The following RBFOX1 variants were observed in gnomAD, a reference collection of about 807,000 sequenced individuals.
RBFOX1 encodes the protein RNA binding fox-1 homolog 1.
A neutral mutation model predicts 57.7 loss-of-function variants in RBFOX1; 8 were observed. That is an observed-to-expected ratio of 0.14 (90% CI 0.08 to 0.25). The LOEUF is 0.25. Among genes scored for constraint, RBFOX1 ranks in the 10% least tolerant of loss-of-function variants. RBFOX1 has a pLI of 1.00. For synonymous variants in RBFOX1, 326 were observed against 222.4 expected, an observed-to-expected ratio of 1.47 and a Z score of -4.15; for missense variants, 611 against 548.5, an observed-to-expected ratio of 1.11 and a Z score of -1.14.
intron 2 of RBFOX1, among the ~76,000 whole-genome samples, chr16:6,332,326 A>T (rs916872837): frequency 1.3e-5 from 2 of 152,216 alleles, no homozygotes; most frequent in Non-Finnish European, 2.9e-5. Context: ...CATTTTAGCT[A>T]CACTGGTGGG....
intron 3 of RBFOX1, among the ~76,000 whole-genome samples, chr16:6,798,241 C>T (rs1184241218): frequency 6.6e-6 from 1 of 151,994 alleles, no homozygotes; most frequent in Admixed American, 6.6e-5. Context: ...GATACTAGTC[C>T]CAGAGAAGAG....
intron 4 of RBFOX1, among the ~76,000 whole-genome samples, chr16:5,904,445 T>C (rs1435500897): frequency 6.6e-6 from 1 of 151,674 alleles, no homozygotes; most frequent in Non-Finnish European, 1.5e-5. Flanking sequence ...GGGCAGGAAA[T>C]ATGGGGAACC....
intron 3 of RBFOX1, among the ~76,000 whole-genome samples, chr16:6,971,223 A>G (rs1026862959): frequency 6.6e-6 from 1 of 152,192 alleles, no homozygotes; most frequent in African/African-American, 2.4e-5. Flanking sequence ...GAGGTGTGCT[A>G]AAAGGCAGCT....
chr16:5,832,327 G>A (rs2056302914), intron 3 of RBFOX1, among the ~76,000 whole-genome samples: 1 of 152,198 alleles, frequency 6.6e-6, no homozygotes, highest in Admixed American at 6.5e-5. Flanking sequence ...CTAGGGAAGG[G>A]TGAATCCACA....
At chr16:7,086,826 C>G (rs201296623) in intron 4 of RBFOX1, among the ~76,000 whole-genome samples, 2 of 152,298 alleles carry the variant, frequency 1.3e-5, no homozygotes, top group East Asian at 3.9e-4. Flanking sequence ...AGCAAGTCTT[C>G]TTGAAGCTTT....
chr16:5,728,591 C>A (rs975488734), intron 3 of RBFOX1, among the ~76,000 whole-genome samples: 4 of 152,132 alleles, frequency 2.6e-5, no homozygotes, highest in Admixed American at 2.6e-4. Flanking sequence ...TCTCTGATGC[C>A]ATTTATCTTC....
chr16:6,131,981 T>C (rs547540542), intron 1 of RBFOX1, among the ~76,000 whole-genome samples: 2 of 152,366 alleles, frequency 1.3e-5, no homozygotes, highest in East Asian at 3.9e-4. Flanking sequence ...GCCTTCGTGA[T>C]GATTTGAGCT....
intron 11 of RBFOX1, among the ~76,000 whole-genome samples, chr16:7,641,698 A>G (rs1311044600): frequency 6.6e-6 from 1 of 152,162 alleles, no homozygotes; most frequent in Non-Finnish European, 1.5e-5. Context: ...GTGGTTTTAC[A>G]GCATTTTTCT....
chr16:7,469,173 A>G (rs1287701753), intron 4 of RBFOX1, among the ~76,000 whole-genome samples: 1 of 151,982 alleles, frequency 6.6e-6, no homozygotes, highest in Non-Finnish European at 1.5e-5. Context: ...TGACCTCATG[A>G]TCTACCCGAC....
chr16:6,020,084 A>G (rs2095037461), intron 1 of RBFOX1, 92 bp downstream of exon 1: 1 of 1,304,154 alleles, frequency 7.7e-7, no homozygotes, highest in African/African-American at 1.5e-5. Context: ...TAGGTCCCCG[A>G]GAACTGGCCT....
At chr16:7,312,491 A>T (rs1334384977) in intron 4 of RBFOX1, among the ~76,000 whole-genome samples, 1 of 152,174 alleles carries the variant, frequency 6.6e-6, no homozygotes, top group Non-Finnish European at 1.5e-5. Flanking sequence ...TCTCAAATTA[A>T]CATGATTAAT....
chr16:6,848,536 G>C (rs1197475368), intron 3 of RBFOX1, among the ~76,000 whole-genome samples: 1 of 151,672 alleles, frequency 6.6e-6, no homozygotes, highest in East Asian at 1.9e-4. Context: ...TAGCTAGATG[G>C]ATATATAGAA....
At chr16:6,759,520 T>A (rs1480582160) in intron 3 of RBFOX1, among the ~76,000 whole-genome samples, 3 of 145,998 alleles carry the variant, frequency 2.1e-5, no homozygotes, top group African/African-American at 7.5e-5. Context: ...TGTGTGTGTG[T>A]GTATTTTCAG....
At chr16:6,696,906 G>A (rs1229599789) in intron 3 of RBFOX1, among the ~76,000 whole-genome samples, 1 of 152,162 alleles carries the variant, frequency 6.6e-6, no homozygotes, top group African/African-American at 2.4e-5. Flanking sequence ...GGAGATTGCT[G>A]TCTTGCAAAA....
chr16:7,169,023 A>T (rs2152441015), intron 4 of RBFOX1, among the ~76,000 whole-genome samples: 1 of 152,292 alleles, frequency 6.6e-6, no homozygotes, highest in South Asian at 2.1e-4. Flanking sequence ...ATATAACTAG[A>T]TTTATAGACA....
At chr16:7,149,270 CTGTT>C (rs919444838) in intron 4 of RBFOX1, among the ~76,000 whole-genome samples, 7 of 151,978 alleles carry the variant, frequency 4.6e-5, no homozygotes, top group African/African-American at 1.2e-4. Context: ...TGCAATATGA[CTGTT>C]TGCTTGTTAA....
intron 2 of RBFOX1, among the ~76,000 whole-genome samples, chr16:6,510,266 C>T (rs2096225673): frequency 6.6e-6 from 1 of 152,142 alleles, no homozygotes; most frequent in South Asian, 2.1e-4. Context: ...TTGGATTCTG[C>T]AAGCATCTCT....
At chr16:6,979,208 C>T (rs1026283202) in intron 3 of RBFOX1, among the ~76,000 whole-genome samples, 2 of 152,126 alleles carry the variant, frequency 1.3e-5, no homozygotes, top group African/African-American at 4.8e-5. Context: ...ATCCCCAAGT[C>T]TCAGTTTTCC....
At chr16:7,540,181 G>A (rs3826224) in intron 5 of RBFOX1, among the ~76,000 whole-genome samples, 2 of 152,084 alleles carry the variant, frequency 1.3e-5, no homozygotes, top group African/African-American at 4.8e-5. Context: ...ATCTTTTATA[G>A]TGTACTCCCA....
Sources: allele counts gnomAD v4.1 joint callset (sites outside exome capture counted in the v4.1 genomes callset), GRCh38; gene constraint gnomAD v4.1.1; transcripts MANE v1.5; gene names NCBI Gene and HGNC (gene_info 2026-07-23, HGNC 2026-07-21).